The following CFAP54 variants were observed in gnomAD, a reference collection of about 807,000 sequenced individuals.
CFAP54 encodes the protein cilia and flagella associated protein 54.
In CFAP54, 290 loss-of-function variants were observed where a neutral mutation model predicts 370.4. The ratio of observed to expected loss-of-function variants is 0.78; its 90% CI spans 0.71 to 0.86. The LOEUF (loss-of-function observed/expected upper bound fraction) is 0.86. Ranked by LOEUF, CFAP54 falls within the 40% of genes least tolerant of loss-of-function variation. The pLI is 0.00. For missense variants in CFAP54, 3,399 were observed against 3,528.7 expected (o/e 0.96, Z 0.93); for synonymous variants, 1,206 against 1,236.5 (o/e 0.98, Z 0.52).
chr12:96,535,590 C>T lies in CFAP54; in HGVS notation c.1781C>T (p.Thr594Ile), dbSNP rs545903761. 1.3e-6 allele frequency: 2 copies of T among 1,533,366 alleles called. No individual in the cohort carries two copies. Among genetic ancestry groups the T allele is most frequent in the South Asian group, 2.4e-5 (2 of 83,748 alleles). 95.0% of individuals were successfully genotyped at this position (1,533,366 alleles called of 1,614,324 possible). ...LAATLYVCVC[T>I]APQDVQPDKE... ...GCAACCTTGTATGTCTGTGTCTGCA[C>T]TGCTCCCCAGGTGAAATAGCTATTT... Residue 594 changes from threonine to isoleucine, a missense_variant, in exon 12 of 68, where the codon ACT becomes ATT. By Grantham distance (89) the Thr-to-Ile change is moderately conservative. Around this residue, in one of 3 missense-constraint regions of CFAP54, gnomAD observed 2,796 missense variants for 2,869.7 expected, o/e 0.97. Transcript: ENST00000524981.
chr12:96,503,788 AT>A (rs1289214176), intron 2 of CFAP54, 97 bp from the exon 3 acceptor site: 4 of 1,086,196 alleles, frequency 3.7e-6, no homozygotes, highest in Non-Finnish European at 5.0e-6. Context: ...AATTGTAATA[AT>A]CAACCTTGAT....
At chr12:96,516,284 A>G (rs1344898235) in intron 5 of CFAP54, among the ~76,000 whole-genome samples, 2 of 140,170 alleles carry the variant, frequency 1.4e-5, no homozygotes, top group Non-Finnish European at 3.0e-5. Context: ...AGGGTCACAC[A>G]TCTAGTCAGA....
intron 22 of CFAP54, among the ~76,000 whole-genome samples, chr12:96,587,835 T>C (rs1956088242): frequency 1.3e-5 from 2 of 152,186 alleles, no homozygotes. Flanking sequence ...CTTAGTACAG[T>C]TGAGTCATTT....
At chr12:96,724,567 G>A (rs1163679602) in intron 50 of CFAP54, among the ~76,000 whole-genome samples, 3 of 151,938 alleles carry the variant, frequency 2.0e-5, no homozygotes, top group African/African-American at 4.8e-5. Flanking sequence ...TGTAGATTCT[G>A]GATATTAGCC....
chr12:96,545,909 C>T (rs191005471), intron 14 of CFAP54, among the ~76,000 whole-genome samples: 16 of 152,298 alleles, frequency 1.1e-4, no homozygotes, highest in Admixed American at 3.9e-4. Flanking sequence ...GGCATGGAAG[C>T]GCCATGCCCC....
chr12:96,545,774 A>G (rs1955634495), intron 14 of CFAP54, among the ~76,000 whole-genome samples: 1 of 152,188 alleles, frequency 6.6e-6, no homozygotes, highest in Non-Finnish European at 1.5e-5. Context: ...ACAGCTGTAC[A>G]TCCATCCAGT....
In CFAP54 at chr12:96,527,449, A is replaced by C. The variant is rs538505859; in HGVS notation, c.1357+5A>C. The C allele has an allele frequency of 8.0e-6, 12 of 1,503,894 alleles. No homozygotes were observed. The highest frequency in any genetic ancestry group is 1.1e-5 in the Non-Finnish European group (12 of 1,127,726). 93.2% of individuals were successfully genotyped at this position (1,503,894 alleles called of 1,614,324 possible). ...CAGGAAAAGAACTTTTGATAAGTAA[A>C]TAAGATGTTAAGATATTGTTTTATG... On this transcript the variant is annotated splice_donor_5th_base_variant and intron_variant, in intron 9 of 67. Coordinates refer to ENST00000524981, the MANE Select transcript of CFAP54 (RefSeq NM_001306084.2).
At chr12:96,651,329 A>C (rs541278823) in intron 35 of CFAP54, among the ~76,000 whole-genome samples, 1 of 152,328 alleles carries the variant, frequency 6.6e-6, no homozygotes, top group South Asian at 2.1e-4. Flanking sequence ...TGGGTTAGCC[A>C]CGCTGAACCC....
rs527819550 is a variant in CFAP54 at position 96,708,935 on chromosome 12, C to A, written c.6724+132C>A. 1,638 of 686,642 alleles carry A rather than the reference C, an allele frequency of 2.4e-3. 28 individuals carry two copies. In the African/African-American group the frequency reaches 0.027, roughly 11 times the overall value. The allele number at this position is 686,642 out of a possible 1,614,324, so 42.5% of individuals were successfully genotyped here. A position where few individuals can be genotyped will look rare whatever the true frequency, so the allele number is the denominator to read the frequency against. ...TTTTCTCTATGCTTATATAATGACA[C>A]ACATATGTACTTATGTCTAGGTGTA... On this transcript the variant is annotated intron_variant, in intron 48 of 67. Transcript: ENST00000524981.
At chr12:96,787,962 A>G (rs252196) in intron 62 of CFAP54, among the ~76,000 whole-genome samples, 85,464 of 149,662 alleles carry the variant, frequency 0.57, 24,798 homozygotes, top group African/African-American at 0.66. Context: ...GCCCAGCCTG[A>G]AGTGCAGTGG....
chr12:96,657,913 C>G lies in CFAP54; in HGVS notation c.5132C>G (p.Pro1711Arg). The change falls in exon 37 of 68, where the codon CCA becomes CGA. Residue 1711 changes from proline (P) to arginine (R), a missense_variant. Coordinates refer to ENST00000524981, the MANE Select transcript of CFAP54 (RefSeq NM_001306084.2). ...GAAGACAAAGGAGAATTCAGTGTTCCAAGCTGTTATGGGAATATTAAAAAT... is the reference window on the plus strand; with the variant it reads ...GAAGACAAAGGAGAATTCAGTGTTCGAAGCTGTTATGGGAATATTAAAAAT... ...PIEDKGEFSV[P>R]SCYGNIKNDN... 6.2e-7 allele frequency: 1 copy of G among 1,613,058 alleles called. No homozygotes were observed.
chr12:96,724,599 C>T (rs576050724), intron 50 of CFAP54, among the ~76,000 whole-genome samples: 32 of 152,002 alleles, frequency 2.1e-4, no homozygotes, highest in East Asian at 7.7e-4. Flanking sequence ...GAGTAGGTTG[C>T]GAAAATTTTC....
intron 23 of CFAP54, among the ~76,000 whole-genome samples, chr12:96,591,795 G>GC (rs11383442): frequency 0.31 from 45,932 of 150,560 alleles, 6,973 homozygotes; most frequent in Non-Finnish European, 0.34. Flanking sequence ...GGAGGCTGAG[G>GC]CAGGAGAATG....
At chr12:96,543,496 C>T (rs1361680215) in intron 14 of CFAP54, among the ~76,000 whole-genome samples, 2 of 152,144 alleles carry the variant, frequency 1.3e-5, no homozygotes, top group Non-Finnish European at 2.9e-5. Context: ...GGAGGGACTC[C>T]TAACTTCTTT....
At chr12:96,724,014 T>A (rs1957796005) in intron 50 of CFAP54, among the ~76,000 whole-genome samples, 1 of 152,084 alleles carries the variant, frequency 6.6e-6, no homozygotes. Context: ...GATCTCATCA[T>A]GTTTATGGCT....
At chr12:96,723,903 C>T (rs1957793624) in intron 50 of CFAP54, among the ~76,000 whole-genome samples, 1 of 145,340 alleles carries the variant, frequency 6.9e-6, no homozygotes, top group African/African-American at 2.6e-5. Context: ...TGTTCAGTTC[C>T]CATCTATGAG....
At chr12:96,503,316 T>G (rs1955053153) in intron 2 of CFAP54, among the ~76,000 whole-genome samples, 1 of 140,758 alleles carries the variant, frequency 7.1e-6, no homozygotes, top group African/African-American at 2.7e-5. Flanking sequence ...TTCCTTTCCT[T>G]TCCCTTCCCC....
intron 12 of CFAP54, among the ~76,000 whole-genome samples, chr12:96,536,967 T>TCAATTCAATTCAATTCAATA (rs1955513095): frequency 7.9e-6 from 1 of 127,254 alleles, no homozygotes. Context: ...ATGTCTTAGT[T>TCAATTCAATTCAATTCAATA]CAATTCAATT....
chr12:96,697,042 C>T (rs1386993512), intron 45 of CFAP54, among the ~76,000 whole-genome samples: 1 of 152,160 alleles, frequency 6.6e-6, no homozygotes, highest in East Asian at 1.9e-4. Flanking sequence ...TTAGAACTGC[C>T]AACATCTTGA....
Sources: gnomAD v4.1 joint callset for allele counts (sites outside exome capture counted in the v4.1 genomes callset) on GRCh38, gnomAD v4.1.1 for gene constraint, gnomAD v4.1.1 regional missense constraint, MANE v1.5 for transcripts, NCBI Gene and HGNC (gene_info 2026-07-23, HGNC 2026-07-21) for gene names.